PLCB1: variants seen among roughly 807,000 people sequenced by gnomAD.
PLCB1 encodes 1-phosphatidylinositol 4,5-bisphosphate phosphodiesterase beta-1.
In PLCB1, 46 loss-of-function variants were observed where a neutral mutation model predicts 161.8. The ratio of observed to expected loss-of-function variants is 0.28; its 90% CI spans 0.22 to 0.36. The LOEUF (loss-of-function observed/expected upper bound fraction) is 0.36, where lower values mean the gene tolerates loss of function less well. PLCB1 is among the 10% of genes least tolerant of loss of function. The probability of loss-of-function intolerance (pLI) is 1.00; values close to 1 mark genes in which losing one functional copy is unlikely to be tolerated. For missense variants in PLCB1, 1,016 were observed against 1,472.5 expected, an observed-to-expected ratio of 0.69 and a Z score of 5.07; for synonymous variants, 517 against 503.7, an observed-to-expected ratio of 1.03 and a Z score of -0.35.
chr20:8,856,662 C>T (rs1447768425), intron 31 of PLCB1, among the ~76,000 whole-genome samples: 1 of 152,096 alleles, frequency 6.6e-6, no homozygotes, highest in Non-Finnish European at 1.5e-5. Context: ...AAAGTATATA[C>T]ATTATTATTC....
At chr20:8,511,798 CTGGT>C (rs1363789251) in intron 3 of PLCB1, among the ~76,000 whole-genome samples, 1 of 152,112 alleles carries the variant, frequency 6.6e-6, no homozygotes, top group Non-Finnish European at 1.5e-5. Flanking sequence ...TTTTCATAAA[CTGGT>C]TGACCATTTG....
chr20:8,554,598 T>C (rs536874172), intron 3 of PLCB1, among the ~76,000 whole-genome samples: 10 of 152,194 alleles, frequency 6.6e-5, no homozygotes, highest in African/African-American at 2.4e-4. Flanking sequence ...TAGCTGATTG[T>C]AGAGTACAAG....
chr20:8,453,678 A>G (rs1954839858), intron 3 of PLCB1, among the ~76,000 whole-genome samples: 1 of 152,182 alleles, frequency 6.6e-6, no homozygotes, highest in African/African-American at 2.4e-5. Context: ...AGAGAGAGGA[A>G]CAGAGTGAGA....
At chr20:8,454,325 C>A (rs1370993841) in intron 3 of PLCB1, among the ~76,000 whole-genome samples, 1 of 152,096 alleles carries the variant, frequency 6.6e-6, no homozygotes, top group Non-Finnish European at 1.5e-5. Flanking sequence ...GATGAGGAGT[C>A]AGGACTTGAT....
chr20:8,313,666 C>T lies in PLCB1; in HGVS notation c.178-57716C>T, dbSNP rs537269892. ...GAAACATGAAACTCACTAGCTAGAA[C>T]CCCAAAGCTACAATGTACTTCACAT... On this transcript the variant is annotated intron_variant, in intron 2 of 31. Coordinates refer to ENST00000338037, the MANE Select transcript of PLCB1 (RefSeq NM_015192.4). Among the ~76,000 whole-genome samples the T allele has an allele frequency of 1.4e-4, 21 of 152,294 alleles. No homozygotes were observed. In the South Asian group the frequency reaches 1.5e-3, roughly 11 times the overall value.
chr20:8,862,045 A>G (rs916856548), intron 31 of PLCB1, among the ~76,000 whole-genome samples: 1 of 152,162 alleles, frequency 6.6e-6, no homozygotes, highest in African/African-American at 2.4e-5. Flanking sequence ...TTATGTTATT[A>G]TTTAATTATT....
At chr20:8,799,950 G>T (rs1244590401) in intron 31 of PLCB1, among the ~76,000 whole-genome samples, 1 of 152,176 alleles carries the variant, frequency 6.6e-6, no homozygotes, top group Non-Finnish European at 1.5e-5. Context: ...GTTCAGTACA[G>T]ACACAACCAT....
chr20:8,336,693 C>A (rs1187449112), intron 2 of PLCB1, among the ~76,000 whole-genome samples: 3 of 152,076 alleles, frequency 2.0e-5, no homozygotes, highest in Admixed American at 1.3e-4. Flanking sequence ...AGATTCCTGT[C>A]TTGGGATGGG....
chr20:8,545,062 T>TA (rs1985483177), intron 3 of PLCB1, among the ~76,000 whole-genome samples: 1 of 152,166 alleles, frequency 6.6e-6, no homozygotes, highest in African/African-American at 2.4e-5. Flanking sequence ...AAGATGTGTC[T>TA]AAAAGTAACT....
chr20:8,850,056 G>A (rs1372894959), intron 31 of PLCB1, among the ~76,000 whole-genome samples: 1 of 152,188 alleles, frequency 6.6e-6, no homozygotes, highest in Non-Finnish European at 1.5e-5. Flanking sequence ...GAACTCATGT[G>A]CTCTAAACCA....
intron 1 of PLCB1, among the ~76,000 whole-genome samples, chr20:8,137,703 A>G (rs535205754): frequency 6.6e-6 from 1 of 152,340 alleles, no homozygotes; most frequent in South Asian, 2.1e-4. Flanking sequence ...TCAGTACCAG[A>G]TCAAGAAACA....
Position 8,541,785 on chromosome 20 carries a change from A to C in PLCB1, c.247-86509A>C, listed in dbSNP as rs554593119. ...TTTAATTATCAAGAAGTTTTGAATC[A>C]ATACTGACCTGCAAGCAATGTCTCA... is the stretch of plus-strand genomic sequence containing the variant. On this transcript the variant is annotated intron_variant, in intron 3 of 31. Transcript: ENST00000338037. Among the ~76,000 whole-genome samples, 4 of 152,348 alleles carry C rather than the reference A, an allele frequency of 2.6e-5. No homozygotes were observed. In the South Asian group the frequency reaches 8.3e-4, roughly 32 times the overall value.
At chr20:8,541,595 A>AGAAAGAAAGAAAGAAG (rs1158864787) in intron 3 of PLCB1, among the ~76,000 whole-genome samples, 4 of 151,698 alleles carry the variant, frequency 2.6e-5, no homozygotes, top group African/African-American at 9.7e-5. Flanking sequence ...AAAGAAAGAA[A>AGAAAGAAAGAAAGAAG]GAAAGAAAGA....
At chr20:8,624,986 G>C (rs1988292533) in intron 3 of PLCB1, among the ~76,000 whole-genome samples, 1 of 152,112 alleles carries the variant, frequency 6.6e-6, no homozygotes, top group Non-Finnish European at 1.5e-5. Context: ...TTAGGAAGTT[G>C]AGTCTATAAG....
Position 8,765,208 on chromosome 20 carries a change from A to G in PLCB1, c.2780A>G (p.Tyr927Cys). ...KSFVKLQKKHYKEMKDLVKRH... is the reference protein window; with the variant it reads ...KSFVKLQKKHCKEMKDLVKRH... ...TTTGTGAAACTTCAAAAGAAACACTACAAAGAAATGAAAGACCTGGTTAAG... is the reference window on the plus strand; with the variant it reads ...TTTGTGAAACTTCAAAAGAAACACTGCAAAGAAATGAAAGACCTGGTTAAG... The change falls in exon 26 of 32, where the codon TAC (tyrosine) becomes TGC (cysteine). Residue 927 changes from tyrosine to cysteine, a missense_variant. Tyr to Cys is a radical substitution (Grantham distance 194, BLOSUM62 -2). This residue lies in a region of PLCB1 where 398 missense variants were observed against 445.4 expected (regional missense o/e 0.89). Coordinates refer to ENST00000338037, the MANE Select transcript of PLCB1 (RefSeq NM_015192.4). The G allele has an allele frequency of 1.2e-6, 2 of 1,614,158 alleles. No homozygotes were observed. The highest frequency in any genetic ancestry group is 1.7e-6 in the Non-Finnish European group (2 of 1,179,990).
intron 3 of PLCB1, among the ~76,000 whole-genome samples, chr20:8,610,527 G>T (rs1273328673): frequency 2.0e-5 from 3 of 152,024 alleles, no homozygotes; most frequent in African/African-American, 4.8e-5. Flanking sequence ...TCATATGATG[G>T]CTGTGTTTAA....
chr20:8,279,185 C>CT (rs1214988217), intron 2 of PLCB1, among the ~76,000 whole-genome samples: 2 of 152,156 alleles, frequency 1.3e-5, no homozygotes, highest in Non-Finnish European at 2.9e-5. Flanking sequence ...AGCAGGGACT[C>CT]TAACAAATAC....
chr20:8,868,791 G>A (rs910896155), intron 31 of PLCB1, among the ~76,000 whole-genome samples: 12 of 152,008 alleles, frequency 7.9e-5, no homozygotes, highest in Non-Finnish European at 1.5e-4. Flanking sequence ...GCCACCACAC[G>A]CAGCCAGTTT....
At chr20:8,236,547 T>G (rs563385671) in intron 2 of PLCB1, among the ~76,000 whole-genome samples, 18 of 151,928 alleles carry the variant, frequency 1.2e-4, no homozygotes, top group African/African-American at 4.3e-4. Context: ...TATTAATTAA[T>G]TAATTAATAT....
Sources: allele counts gnomAD v4.1 joint callset (sites outside exome capture counted in the v4.1 genomes callset), GRCh38; gene constraint gnomAD v4.1.1; regional missense constraint gnomAD v4.1.1; transcripts MANE v1.5; gene names NCBI Gene and HGNC (gene_info 2026-07-23, HGNC 2026-07-21).